Variants in NBPF15 observed in about 807,000 individuals in gnomAD.
NBPF15 encodes NBPF member 15, also known as NBPF family member NBPF15.
Under a neutral mutation model 62.2 loss-of-function variants are expected in NBPF15, and 74 were observed. That is an observed-to-expected ratio of 1.19 (90% CI 0.99 to 1.44). The LOEUF is 1.44. Ranked by LOEUF, NBPF15 falls within the 40% of genes most tolerant of loss-of-function variation. NBPF15 has a pLI of 0.00. For synonymous variants in NBPF15, 244 were observed against 209.7 expected, an observed-to-expected ratio of 1.16 and a Z score of -1.41; for missense variants, 790 against 550.0, an observed-to-expected ratio of 1.44 and a Z score of -4.36.
At chr1:144,433,353 A>G (rs1265496727) in intron 13 of NBPF15, among the ~76,000 whole-genome samples, 2 of 152,092 alleles carry the variant, frequency 1.3e-5, no homozygotes, top group African/African-American at 4.8e-5. Flanking sequence ...AAAGCAGAAA[A>G]GATCTAAAAT....
At position 144,439,981 on chromosome 1, in the gene NBPF15, A is replaced by G. The variant is rs76384020; in HGVS notation, c.23T>C (p.Leu8Ser). The change falls in exon 8 of 22, where the codon TTG becomes TCG. Residue 8 changes from leucine to serine, a missense_variant. Leu to Ser is a moderately radical substitution (Grantham distance 145). Coordinates refer to ENST00000581897, the MANE Select transcript of NBPF15 (RefSeq NM_001385408.1). ...GTTCATCTCTGCCTTCTCGCTGGAC[A>G]AAGGGCCGGCTGATACCACCATGCT... Reference protein sequence around the residue: MVVSAGPLSSEKAEMNIL... With the variant: MVVSAGPSSSEKAEMNIL... 1.2e-6 allele frequency: 2 copies of G among 1,609,936 alleles called. No individual in the cohort carries two copies. The highest frequency in any genetic ancestry group is 2.7e-5 in the African/African-American group (2 of 74,790).
intron 2 of NBPF15, among the ~76,000 whole-genome samples, chr1:144,459,789 C>T (rs1553547922): frequency 6.6e-6 from 1 of 151,774 alleles, no homozygotes; most frequent in African/African-American, 2.4e-5. Flanking sequence ...TGCACCCCTA[C>T]TAGAATGGCA....
At chr1:144,456,969 C>A (rs1278857017) in intron 3 of NBPF15, among the ~76,000 whole-genome samples, 164 bp from the exon 4 acceptor site, 2 of 150,182 alleles carry the variant, frequency 1.3e-5, no homozygotes, top group African/African-American at 4.9e-5. Flanking sequence ...ATGTAATCAA[C>A]AGTCCTCACC....
At position 144,435,188 on chromosome 1, in the gene NBPF15, T is replaced by C; in HGVS notation, c.695A>G (p.Glu232Gly). 6.2e-7 allele frequency: 1 copy of C among 1,613,068 alleles called. No individual in the cohort carries two copies. ...GAGAGTTGAGTCGACTTTGTCTTCC[T>C]CAAATGTGATTTTGGTTTTCTTATG... ...QPHKKTKITF[E>G]EDKVDSTLIG... Residue 232 changes from glutamate (E) to glycine (G), a missense_variant, in exon 12 of 22, where the codon GAG becomes GGG. Transcript: ENST00000581897.
intron 3 of NBPF15, among the ~76,000 whole-genome samples, chr1:144,457,783 A>C (rs868910767): frequency 1.3e-5 from 2 of 152,084 alleles, no homozygotes; most frequent in South Asian, 4.1e-4. Flanking sequence ...AATTAGAAAA[A>C]CATAAAAATT....
chr1:144,434,950 G>A (rs78317379), intron 12 of NBPF15, among the ~76,000 whole-genome samples, 161 bp downstream of exon 12: 2 of 152,098 alleles, frequency 1.3e-5, no homozygotes, highest in African/African-American at 4.8e-5. Context: ...GCAGACAAAG[G>A]CATGACATTA....
chr1:144,424,590 A>G (rs1404134099), intron 20 of NBPF15, 100 bp downstream of exon 20: 4 of 656,592 alleles, frequency 6.1e-6, no homozygotes, highest in African/African-American at 1.8e-5. Context: ...CACTGCGGCA[A>G]TGACATCTCT....
chr1:144,441,916 G>A (rs1683161180), intron 6 of NBPF15, among the ~76,000 whole-genome samples: 1 of 148,622 alleles, frequency 6.7e-6, no homozygotes, highest in South Asian at 2.1e-4. Context: ...ACATTTAGAA[G>A]CGGCGGTGCG....
intron 16 of NBPF15, 138 bp from the exon 17 acceptor site, chr1:144,427,236 G>A (rs1437995205): frequency 7.5e-6 from 5 of 671,046 alleles, no homozygotes; most frequent in South Asian, 3.4e-5. Flanking sequence ...TTCTTCAAGA[G>A]GCCTGAAGGC....
chr1:144,455,140 A>G (rs1367021174), intron 4 of NBPF15, among the ~76,000 whole-genome samples: 3 of 145,432 alleles, frequency 2.1e-5, no homozygotes, highest in African/African-American at 5.1e-5. Context: ...AGGGAGGAAG[A>G]AAAGGAGGGA....
At chr1:144,445,956 A>G (rs1687231315) in intron 6 of NBPF15, among the ~76,000 whole-genome samples, 1 of 146,670 alleles carries the variant, frequency 6.8e-6, no homozygotes, top group African/African-American at 2.6e-5. Context: ...TCCCAGGTTC[A>G]AGTGATCCTC....
chr1:144,426,137 T>G, intron 18 of NBPF15, 141 bp downstream of exon 18: 3 of 644,004 alleles, frequency 4.7e-6, no homozygotes, highest in Non-Finnish European at 8.1e-6. Flanking sequence ...GACTACAGTT[T>G]CATTACAACC....
chr1:144,449,605 T>C (rs1452870892), intron 5 of NBPF15, among the ~76,000 whole-genome samples: 1 of 151,942 alleles, frequency 6.6e-6, no homozygotes, highest in Admixed American at 6.6e-5. Flanking sequence ...TGATAAATAA[T>C]AATGGTTTCA....
intron 8 of NBPF15, among the ~76,000 whole-genome samples, chr1:144,439,122 T>C: frequency 6.6e-6 from 1 of 151,896 alleles, no homozygotes; most frequent in South Asian, 2.1e-4. Flanking sequence ...CAGGGGTGAT[T>C]ACAGTCACCT....
chr1:144,436,745 T>C lies in NBPF15; in HGVS notation c.493+150A>G, dbSNP rs9438150. On this transcript the variant is annotated intron_variant, in intron 10 of 21. Transcript: ENST00000581897. The stretch of plus-strand genomic sequence containing the variant: ...CAACCCCATGGGTTTCCCATCTCCG[T>C]TCTTACCCAAGAAGTCCTGGTCATG... 2.5e-3 allele frequency: 2,702 copies of C among 1,065,156 alleles called. 31 individuals carry two copies. In the African/African-American group the frequency reaches 0.037, roughly 15 times the overall value. The allele number at this position is 1,065,156 out of a possible 1,614,324, so 66.0% of individuals were successfully genotyped here. A position where few individuals can be genotyped will look rare whatever the true frequency, so the allele number is the denominator to read the frequency against.
chr1:144,427,245 G>A (rs1261901867), intron 16 of NBPF15, 147 bp from the exon 17 acceptor site: 1 of 651,368 alleles, frequency 1.5e-6, no homozygotes. Context: ...AGGCCTGAAG[G>A]CTGATCACCA....
intron 13 of NBPF15, among the ~76,000 whole-genome samples, chr1:144,432,396 T>C (rs1675016967): frequency 6.6e-6 from 1 of 151,944 alleles, no homozygotes; most frequent in African/African-American, 2.4e-5. Flanking sequence ...AGAAACTGCA[T>C]CAACTAACGG....
At position 144,436,946 on chromosome 1, in the gene NBPF15, G is replaced by A. The variant is rs1553541381; in HGVS notation, c.442C>T (p.Leu148=). Residue 148 remains leucine (L), a synonymous_variant, in exon 10 of 22, where the codon CTG becomes TTG. Coordinates refer to ENST00000581897, the MANE Select transcript of NBPF15 (RefSeq NM_001385408.1). ...KSQGQDLQEQ[L]AEGCRLTQHL... is the part of the protein sequence containing the mutation. ...TGTGTCAGTCTACACCCCTCAGCCAGCTGTTCTTGGAGGTCCTGCCCCTGG... is the reference window on the plus strand; with the variant it reads ...TGTGTCAGTCTACACCCCTCAGCCAACTGTTCTTGGAGGTCCTGCCCCTGG... 6.2e-7 allele frequency: 1 copy of A among 1,612,146 alleles called. No individual in the cohort carries two copies. Among genetic ancestry groups the A allele is most frequent in the Admixed American group, 1.7e-5 (1 of 59,986 alleles).
intron 3 of NBPF15, among the ~76,000 whole-genome samples, chr1:144,458,126 T>C (rs1571171448): frequency 2.0e-5 from 3 of 151,980 alleles, no homozygotes; most frequent in South Asian, 4.2e-4. Context: ...GTCCTAAAAC[T>C]ATTATGTAGA....
Sources: gnomAD v4.1 joint callset for allele counts (sites outside exome capture counted in the v4.1 genomes callset) on GRCh38, gnomAD v4.1.1 for gene constraint, MANE v1.5 for transcripts, NCBI Gene and HGNC (gene_info 2026-07-23, HGNC 2026-07-21) for gene names.